Variants in SLK observed in about 807,000 individuals in gnomAD.
SLK encodes the protein STE20-like serine/threonine-protein kinase.
In SLK, 67 loss-of-function variants were observed where a neutral mutation model predicts 147.7. The observed-to-expected ratio is 0.45, with a 90% CI of 0.37 to 0.56. SLK has a LOEUF of 0.56. Among genes scored for constraint, SLK ranks in the 20% least tolerant of loss-of-function variants. The pLI is 0.00. For synonymous variants in SLK, 441 were observed against 475.0 expected, an observed-to-expected ratio of 0.93 and a Z score of 0.93; for missense variants, 1,136 against 1,438.8, an observed-to-expected ratio of 0.79 and a Z score of 3.41.
intron 7 of SLK, 85 bp downstream of exon 7, chr10:104,000,033 T>C (rs1360213023): frequency 1.6e-6 from 1 of 621,176 alleles, no homozygotes; most frequent in South Asian, 2.8e-5. Flanking sequence ...TTCTTTCCAC[T>C]TAAATTTCCC....
At chr10:104,024,420 A>G (rs1335489415) in intron 18 of SLK, among the ~76,000 whole-genome samples, 1 of 152,172 alleles carries the variant, frequency 6.6e-6, no homozygotes, top group Non-Finnish European at 1.5e-5. Flanking sequence ...AAGCCTTCAT[A>G]GTGCCACACC....
In SLK at chr10:104,025,793, T is replaced by A; in HGVS notation, c.*73T>A. ...TCTGTTCTCATCTTCTGCCACAGTC[T>A]CTCAGATAGCTCATGAAGACAATCA... is the stretch of plus-strand genomic sequence containing the variant. On this transcript the variant is annotated 3_prime_UTR_variant, in exon 19 of 19. Transcript: ENST00000369755. 7.6e-7 allele frequency: 1 copy of A among 1,322,038 alleles called. No homozygotes were observed. The highest frequency in any genetic ancestry group is 2.3e-5 in the East Asian group (1 of 42,756). 81.9% of individuals were successfully genotyped at this position (1,322,038 alleles called of 1,614,324 possible).
chr10:104,025,405 C>T (rs1844584709), intron 18 of SLK, among the ~76,000 whole-genome samples, 169 bp from the exon 19 acceptor site: 1 of 152,088 alleles, frequency 6.6e-6, no homozygotes, highest in Non-Finnish European at 1.5e-5. Context: ...GCTGGACTTG[C>T]ACATAGGGCT....
intron 9 of SLK, among the ~76,000 whole-genome samples, chr10:104,004,062 G>A (rs1844291876): frequency 6.6e-6 from 1 of 150,676 alleles, no homozygotes; most frequent in African/African-American, 2.5e-5. Context: ...TAGAAGTCTG[G>A]AGTGGGTCCC....
chr10:104,005,861 A>G (rs960612909), intron 10 of SLK, 51 bp from the exon 11 acceptor site: 1 of 1,562,216 alleles, frequency 6.4e-7, no homozygotes, highest in African/African-American at 1.4e-5. Flanking sequence ...AACGTATTTC[A>G]GAAGTGTAAT....
In SLK at chr10:104,003,283, C is replaced by A; in HGVS notation, c.2105C>A (p.Pro702His). 1 of 1,614,016 alleles carries A rather than the reference C, an allele frequency of 6.2e-7. No individual in the cohort carries two copies. Among genetic ancestry groups the A allele is most frequent in the East Asian group, 2.2e-5 (1 of 44,872 alleles). ...KEPEVTVVSQPTEPQPVLIPS... is the reference protein window; with the variant it reads ...KEPEVTVVSQHTEPQPVLIPS... ...CCTGAAGTTACTGTAGTTTCACAGC[C>A]CACTGAACCTCAGCCTGTTCTAATA... Residue 702 changes from proline to histidine, a missense_variant, in exon 9 of 19, where the codon CCC (proline) becomes CAC (histidine). Physicochemically the swap from Pro to His is moderately conservative, Grantham distance 77 (BLOSUM62 -2). Transcript: ENST00000369755.
chr10:104,023,030 A>G (rs903020408), intron 18 of SLK, among the ~76,000 whole-genome samples: 12 of 152,266 alleles, frequency 7.9e-5, no homozygotes, highest in Admixed American at 5.9e-4. Context: ...TCCTTTACCT[A>G]CTTGCAGCCT....
chr10:103,974,092 C>T (rs558779772), intron 1 of SLK, among the ~76,000 whole-genome samples: 16 of 152,106 alleles, frequency 1.1e-4, no homozygotes, highest in South Asian at 6.2e-4. Context: ...CTTCTTCTTT[C>T]GTTTTGCTGT....
In SLK at chr10:104,004,946, T is replaced by G. The variant is rs547633624; in HGVS notation, c.2350-615T>G. Among the ~76,000 whole-genome samples, 6 of 152,254 alleles carry G rather than the reference T, an allele frequency of 3.9e-5. No homozygotes were observed. In the South Asian group the frequency reaches 1.2e-3, roughly 32 times the overall value. ...TGCAGCAGAGGCACTGTCTTTCTAG[T>G]AACCCTAAAATCATACATATATCTC... is the stretch of plus-strand genomic sequence containing the variant. On this transcript the variant is annotated intron_variant, in intron 9 of 18. Coordinates refer to ENST00000369755, the MANE Select transcript of SLK (RefSeq NM_014720.4).
rs1844274352 is a variant in SLK at position 104,003,057 on chromosome 10, A to T, written c.1879A>T (p.Ile627Leu). ...ACAAGCAATAAACAGTTCAGAGAAC[A>T]TAATGGACATCAATGAGGAACCAGG... ...KEQAINSSENIMDINEEPGTT... is the reference protein window; with the variant it reads ...KEQAINSSENLMDINEEPGTT... The change falls in exon 9 of 19, where the codon ATA (isoleucine) becomes TTA (leucine). Residue 627 changes from isoleucine (I) to leucine (L), a missense_variant. Around this residue, in one of 6 missense-constraint regions of SLK, gnomAD observed 516 missense variants for 531.3 expected, o/e 0.97. Coordinates refer to ENST00000369755, the MANE Select transcript of SLK (RefSeq NM_014720.4). The T allele has an allele frequency of 4.3e-6, 7 of 1,614,096 alleles. No individual in the cohort carries two copies. Among genetic ancestry groups the T allele is most frequent in the Non-Finnish European group, 5.9e-6 (7 of 1,179,946 alleles).
At position 104,025,627 on chromosome 10, in the gene SLK, A is replaced by G; in HGVS notation, c.3615A>G (p.Lys1205=). ...RKLQEQEVFF[K]MTGESECLNP... ...TACAGGAACAGGAAGTATTCTTTAA[A>G]ATGACTGGGGAGTCTGAATGCCTTA... is the stretch of plus-strand genomic sequence containing the variant. The change falls in exon 19 of 19, where the codon AAA becomes AAG. Residue 1205 remains lysine (K), a synonymous_variant. Coordinates refer to ENST00000369755, the MANE Select transcript of SLK (RefSeq NM_014720.4). 1 of 1,613,928 alleles carries G rather than the reference A, an allele frequency of 6.2e-7. No homozygotes were observed. The highest frequency in any genetic ancestry group is 8.5e-7 in the Non-Finnish European group (1 of 1,179,792).
chr10:104,014,969 G>T (rs1844444014), intron 13 of SLK, among the ~76,000 whole-genome samples: 1 of 151,798 alleles, frequency 6.6e-6, no homozygotes. Flanking sequence ...ATACCTGAAA[G>T]TAATTTCTAA....
rs1177647795 is a variant in SLK, at chr10:104,003,308, A to G, written c.2130A>G (p.Ile710Met). The part of the protein sequence containing the change: ...SQPTEPQPVL[I>M]PSININSDSG... ...CCACTGAACCTCAGCCTGTTCTAAT[A>G]CCCAGTATTAATATCAACTCTGACA... is the stretch of plus-strand genomic sequence containing the variant. Residue 710 changes from isoleucine to methionine, a missense_variant, in exon 9 of 19, where the codon ATA becomes ATG. Coordinates refer to ENST00000369755, the MANE Select transcript of SLK (RefSeq NM_014720.4). 6.2e-7 allele frequency: 1 copy of G among 1,614,004 alleles called. No individual in the cohort carries two copies.
rs1359861839 is a variant in SLK, at chr10:104,027,298, T to G, written c.*1578T>G. The G allele has an allele frequency of 6.6e-6, 1 of 152,638 alleles. No homozygotes were observed. The highest frequency in any genetic ancestry group is 1.5e-5 in the Non-Finnish European group (1 of 68,034). The allele number at this position is 152,638 out of a possible 1,614,324, so 9.5% of individuals were successfully genotyped here. Reference sequence around the variant, plus strand: ...TGTGATTTGAATTTTATAATTGTTTTGACAAGCATAATTTACTTGGACAAC... The same window carrying G: ...TGTGATTTGAATTTTATAATTGTTTGGACAAGCATAATTTACTTGGACAAC... On this transcript the variant is annotated 3_prime_UTR_variant, in exon 19 of 19. Transcript: ENST00000369755.
chr10:103,991,388 C>T (rs1316496859), intron 2 of SLK, among the ~76,000 whole-genome samples: 2 of 152,016 alleles, frequency 1.3e-5, no homozygotes, highest in African/African-American at 4.8e-5. Flanking sequence ...CTTTCATATT[C>T]ATTATAATAA....
intron 1 of SLK, among the ~76,000 whole-genome samples, chr10:103,968,734 T>G (rs1464768234): frequency 6.6e-6 from 1 of 152,178 alleles, no homozygotes; most frequent in Non-Finnish European, 1.5e-5. Flanking sequence ...GAAAATAACT[T>G]ATGTTTATAC....
In SLK at chr10:103,974,826, AT is replaced by A. The variant is rs749565693; in HGVS notation, c.150+6955del. Reference sequence around the variant, plus strand: ...CTACCACGCCCGGCTAATTTTTTCTATTTTTTTTTTTTTTTTTTTTTTTTAG... The same window carrying A: ...CTACCACGCCCGGCTAATTTTTTCTATTTTTTTTTTTTTTTTTTTTTTTAG... On this transcript the variant is annotated intron_variant, in intron 1 of 18. Coordinates refer to ENST00000369755, the MANE Select transcript of SLK (RefSeq NM_014720.4). The A allele has an allele frequency of 9.5e-3, 526 of 55,438 alleles. 9 individuals carry two copies. The highest frequency in any genetic ancestry group is 0.038 in the African/African-American group (469 of 12,278). The allele number at this position is 55,438 out of a possible 1,614,324, so 3.4% of individuals were successfully genotyped here. A position where few individuals can be genotyped will look rare whatever the true frequency, so the allele number is the denominator to read the frequency against.
Position 103,999,165 on chromosome 10 carries a change from T to C in SLK, c.634T>C (p.Tyr212His), listed in dbSNP as rs1485462759. The stretch of plus-strand genomic sequence containing the variant: ...GTGTGAAACATCTAAGGACAGACCC[T>C]ATGACTACAAAGCTGATGTTTGGTC... ...VMCETSKDRPYDYKADVWSLG... is the reference protein window; with the variant it reads ...VMCETSKDRPHDYKADVWSLG... The change falls in exon 6 of 19, where the codon TAT becomes CAT. Residue 212 changes from tyrosine (Y) to histidine (H), a missense_variant. Coordinates refer to ENST00000369755, the MANE Select transcript of SLK (RefSeq NM_014720.4). 6.2e-7 allele frequency: 1 copy of C among 1,613,530 alleles called. No individual in the cohort carries two copies. The highest frequency in any genetic ancestry group is 1.7e-4 in the Middle Eastern group (1 of 6,054).
At position 104,002,299 on chromosome 10, in the gene SLK, A is replaced by G; in HGVS notation, c.1121A>G (p.Asp374Gly). 1.2e-6 allele frequency: 2 copies of G among 1,613,922 alleles called. No individual in the cohort carries two copies. The highest frequency in any genetic ancestry group is 8.5e-7 in the Non-Finnish European group (1 of 1,179,842). Residue 374 changes from aspartate (D) to glycine (G), a missense_variant, in exon 9 of 19, where the codon GAT becomes GGT. Transcript: ENST00000369755. ...SEKTERSNSE[D>G]KLNSKILNEK... Reference sequence around the variant, plus strand: ...AAAACAGAACGTAGTAACTCTGAAGATAAACTCAACAGCAAAATTCTTAAT... The same window carrying G: ...AAAACAGAACGTAGTAACTCTGAAGGTAAACTCAACAGCAAAATTCTTAAT...
Sources: gnomAD v4.1 joint callset for allele counts (sites outside exome capture counted in the v4.1 genomes callset) on GRCh38, gnomAD v4.1.1 for gene constraint, gnomAD v4.1.1 regional missense constraint, MANE v1.5 for transcripts, NCBI Gene and HGNC (gene_info 2026-07-23, HGNC 2026-07-21) for gene names.